Variants in CCDC7 observed in about 807,000 individuals in gnomAD.
The protein encoded by CCDC7 is coiled-coil domain containing 7.
Under a neutral mutation model 196.9 loss-of-function variants are expected in CCDC7, and 183 were observed. The observed-to-expected ratio is 0.93, with a 90% CI of 0.82 to 1.05. The LOEUF (loss-of-function observed/expected upper bound fraction) is 1.05. Among genes scored for constraint, CCDC7 ranks in the 50% least tolerant of loss-of-function variants. The pLI is 0.00. For missense variants in CCDC7, 1,540 were observed against 1,482.2 expected, an observed-to-expected ratio of 1.04 and a Z score of -0.64; for synonymous variants, 525 against 484.6, an observed-to-expected ratio of 1.08 and a Z score of -1.10.
chr10:32,563,936 A>T (rs2056282605), intron 13 of CCDC7, among the ~76,000 whole-genome samples: 1 of 152,138 alleles, frequency 6.6e-6, no homozygotes, highest in Non-Finnish European at 1.5e-5. Context: ...TCTACAAAGA[A>T]CTCCAACAAA....
intron 29 of CCDC7, 83 bp from the exon 31 acceptor site, chr10:32,804,930 TAC>T (rs35054696): frequency 0.63 from 396,021 of 623,670 alleles, 106,313 homozygotes; most frequent in Admixed American, 0.68. Context: ...ATTAATTTAA[TAC>T]ACACACACAC....
downstream of CCDC7, among the ~76,000 whole-genome samples, chr10:32,877,924 A>G (rs980048835): frequency 6.6e-6 from 1 of 151,972 alleles, no homozygotes; most frequent in African/African-American, 2.4e-5. Flanking sequence ...CTAATGCCCA[A>G]GCCCATATGC....
At chr10:32,634,905 T>C (rs1238320182) in intron 19 of CCDC7, among the ~76,000 whole-genome samples, 152 bp from the exon 21 acceptor site, 1 of 152,236 alleles carries the variant, frequency 6.6e-6, no homozygotes, top group Non-Finnish European at 1.5e-5. Flanking sequence ...CACATGAGAA[T>C]TTTCTGCTTC....
intron 8 of CCDC7, among the ~76,000 whole-genome samples, chr10:32,482,311 T>C (rs1484791270): frequency 2.0e-5 from 3 of 152,056 alleles, no homozygotes; most frequent in Admixed American, 6.5e-5. Context: ...ATAGTGAACA[T>C]TGTATCCAAT....
intron 26 of CCDC7, among the ~76,000 whole-genome samples, chr10:32,727,156 C>G (rs1263923733): frequency 1.3e-5 from 2 of 152,114 alleles, no homozygotes; most frequent in Non-Finnish European, 2.9e-5. Context: ...CCAATGATCA[C>G]TTACCACGTG....
chr10:32,852,781 A>G (rs770818640), intron 40 of CCDC7, among the ~76,000 whole-genome samples: 1 of 152,206 alleles, frequency 6.6e-6, no homozygotes, highest in Non-Finnish European at 1.5e-5. Context: ...AGGAAAAAGA[A>G]AACAGTAAAA....
chr10:32,737,531 A>T (rs904846135), intron 28 of CCDC7, among the ~76,000 whole-genome samples: 1 of 152,308 alleles, frequency 6.6e-6, no homozygotes, highest in East Asian at 1.9e-4. Flanking sequence ...TATAAGCATC[A>T]ATTAGATCCA....
intron 21 of CCDC7, among the ~76,000 whole-genome samples, chr10:32,684,231 G>T (rs1214929145): frequency 1.3e-5 from 2 of 152,160 alleles, no homozygotes; most frequent in Admixed American, 1.3e-4. Flanking sequence ...GCGCATGGGA[G>T]ATCCCTGCCT....
intron 24 of CCDC7, among the ~76,000 whole-genome samples, chr10:32,696,260 G>T (rs1406394367): frequency 3.3e-5 from 5 of 152,250 alleles, no homozygotes; most frequent in African/African-American, 7.2e-5. Context: ...AGATCAGGAT[G>T]TTGGTGGTGG....
At chr10:32,476,681 T>C (rs562471307) in intron 8 of CCDC7, among the ~76,000 whole-genome samples, 2 of 152,310 alleles carry the variant, frequency 1.3e-5, no homozygotes, top group Admixed American at 6.5e-5. Flanking sequence ...CCCCCTGCAA[T>C]TGAGGAGAAT....
chr10:32,650,980 C>T lies in CCDC7; in HGVS notation c.2015-13074C>T, dbSNP rs546108251. On this transcript the variant is annotated intron_variant, in intron 20 of 41. Transcript: ENST00000639629. Reference sequence around the variant, plus strand: ...GATGTGCCCCAGTCCCACAGAGAAGCACAACCTGTTTTCTCCTTGGTGGGT... The same window carrying T: ...GATGTGCCCCAGTCCCACAGAGAAGTACAACCTGTTTTCTCCTTGGTGGGT... Among the ~76,000 whole-genome samples, 11 of 152,294 alleles carry T rather than the reference C, an allele frequency of 7.2e-5. No individual in the cohort carries two copies. The South Asian group carries it at 8.3e-4, about 11-fold the overall frequency.
At chr10:32,754,189 A>G (rs2076067861) in intron 28 of CCDC7, among the ~76,000 whole-genome samples, 1 of 152,196 alleles carries the variant, frequency 6.6e-6, no homozygotes. Flanking sequence ...AAAGCTTAAA[A>G]GAATCAAATA....
chr10:32,768,997 C>T (rs759902184), intron 28 of CCDC7, among the ~76,000 whole-genome samples: 2 of 151,980 alleles, frequency 1.3e-5, no homozygotes, highest in African/African-American at 4.8e-5. Flanking sequence ...CCTTGTTCAG[C>T]TTTGGTAACA....
chr10:32,515,364 A>G (rs990914864), intron 9 of CCDC7, among the ~76,000 whole-genome samples: 4 of 152,196 alleles, frequency 2.6e-5, no homozygotes, highest in African/African-American at 7.2e-5. Flanking sequence ...TTACTGGCAT[A>G]AGGCTAGACA....
intron 9 of CCDC7, among the ~76,000 whole-genome samples, chr10:32,502,078 CT>C (rs1427105005): frequency 1.3e-5 from 2 of 152,178 alleles, no homozygotes; most frequent in Non-Finnish European, 1.5e-5. Context: ...GCCCCTCCCC[CT>C]ACCAAGGTCG....
rs544444769 is a variant in CCDC7 at position 32,479,084 on chromosome 10, A to G, written c.796+5061A>G. On this transcript the variant is annotated intron_variant, in intron 8 of 41. Transcript: ENST00000639629. ...AATCTAAATTATCAAATTTGTTAGC[A>G]TAAGTTATTTATAGTATTTGTTTAT... is the stretch of plus-strand genomic sequence containing the variant. Among the ~76,000 whole-genome samples, 8 of 152,286 alleles carry G rather than the reference A, an allele frequency of 5.3e-5. No homozygotes were observed. In the East Asian group the frequency reaches 1.5e-3, roughly 29 times the overall value.
At chr10:32,774,871 T>C (rs1270675483) in intron 28 of CCDC7, among the ~76,000 whole-genome samples, 1 of 152,134 alleles carries the variant, frequency 6.6e-6, no homozygotes, top group Non-Finnish European at 1.5e-5. Context: ...GAGGATGAGA[T>C]TTTGTGGGAA....
intron 20 of CCDC7, among the ~76,000 whole-genome samples, chr10:32,637,952 TG>T (rs1489551306): frequency 6.6e-6 from 1 of 152,190 alleles, no homozygotes; most frequent in Non-Finnish European, 1.5e-5. Context: ...TCACATCCCT[TG>T]TAAGTTGTAT....
rs140640526 is a variant in CCDC7, at chr10:32,765,802, T to C, written c.2906-13175T>C. Among the ~76,000 whole-genome samples, 263 of 152,208 alleles carry C rather than the reference T, an allele frequency of 1.7e-3. 2 individuals are homozygous for C. Among genetic ancestry groups the C allele is most frequent in the African/African-American group, 6.1e-3 (253 of 41,566 alleles). On this transcript the variant is annotated intron_variant, in intron 28 of 41. Coordinates refer to ENST00000639629, the Ensembl canonical transcript of CCDC7. ...TAATTGTAGATACTGTACTAAATAATGATTTCATTGCTTGAGCAAATTAAC... is the reference window on the plus strand; with the variant it reads ...TAATTGTAGATACTGTACTAAATAACGATTTCATTGCTTGAGCAAATTAAC...
Sources: gnomAD v4.1 joint callset for allele counts (sites outside exome capture counted in the v4.1 genomes callset) on GRCh38, gnomAD v4.1.1 for gene constraint, MANE v1.5 for transcripts, NCBI Gene and HGNC (gene_info 2026-07-23, HGNC 2026-07-21) for gene names.